TGM7: variants seen among roughly 807,000 people sequenced by gnomAD.
TGM7 encodes transglutaminase 7.
TGM7 carries 74 observed loss-of-function variants against 79.5 expected under a neutral mutation model. The ratio of observed to expected loss-of-function variants is 0.93; its 90% confidence interval spans 0.77 to 1.13. The LOEUF is 1.13. Among genes scored for constraint, TGM7 ranks in the 50% most tolerant of loss-of-function variants. The probability of loss-of-function intolerance (pLI) is 0.00; values close to 1 mark genes in which losing one functional copy is unlikely to be tolerated. For missense variants in TGM7, 912 were observed against 905.9 expected, an observed-to-expected ratio of 1.01 and a Z score of -0.09; for synonymous variants, 354 against 362.5, an observed-to-expected ratio of 0.98 and a Z score of 0.27.
intron 1 of TGM7, among the ~76,000 whole-genome samples, chr15:43,298,031 T>G (rs2043008574): frequency 6.6e-6 from 1 of 152,270 alleles, no homozygotes. Context: ...CGGCATTGTT[T>G]AGAGCATTTT....
At chr15:43,285,991 C>G (rs1377781148) in intron 6 of TGM7, among the ~76,000 whole-genome samples, 1 of 152,112 alleles carries the variant, frequency 6.6e-6, no homozygotes, top group Non-Finnish European at 1.5e-5. Context: ...ATCCCACTAT[C>G]TCCCTCCTAG....
chr15:43,296,122 T>A (rs200058600), intron 1 of TGM7, among the ~76,000 whole-genome samples: 2 of 152,214 alleles, frequency 1.3e-5, no homozygotes, highest in East Asian at 3.9e-4. Flanking sequence ...AAATCATAGA[T>A]CATAGTTAAA....
chr15:43,292,085 T>C lies in TGM7; in HGVS notation c.452A>G (p.Tyr151Cys), dbSNP rs2142415395. The C allele has an allele frequency of 1.2e-6, 2 of 1,613,636 alleles. No individual in the cohort carries two copies. The highest frequency in any genetic ancestry group is 1.3e-5 in the African/African-American group (1 of 75,032). The change falls in exon 4 of 13, where the codon TAC (tyrosine) becomes TGC (cysteine). Residue 151 changes from tyrosine (Y) to cysteine (C), a missense_variant. Physicochemically the swap from Tyr to Cys is radical, Grantham distance 194 (BLOSUM62 -2). Transcript: ENST00000452443. Reference protein sequence around the residue: ...FNPWSPEDDVYLPSEILLQEY... With the variant: ...FNPWSPEDDVCLPSEILLQEY... ...CTGCAGCAGTATTTCACTTGGCAGGTAGACGTCGTCCTCTGAGCAGTTAAG... is the reference window on the plus strand; with the variant it reads ...CTGCAGCAGTATTTCACTTGGCAGGCAGACGTCGTCCTCTGAGCAGTTAAG...
intron 10 of TGM7, 132 bp from the exon 11 acceptor site, chr15:43,279,409 C>T (rs776595982): frequency 8.6e-6 from 10 of 1,158,666 alleles, no homozygotes; most frequent in East Asian, 5.0e-5. Flanking sequence ...AGACAGACAG[C>T]GTCCCACCAC....
chr15:43,279,596 G>T, intron 10 of TGM7, 29 bp downstream of exon 10: 1 of 1,541,402 alleles, frequency 6.5e-7, no homozygotes, highest in Non-Finnish European at 8.8e-7. Flanking sequence ...CTCCCTGTAG[G>T]TGCCTTCTCA....
chr15:43,291,137 G>A (rs1445787390), intron 4 of TGM7, among the ~76,000 whole-genome samples: 1 of 152,190 alleles, frequency 6.6e-6, no homozygotes, highest in Non-Finnish European at 1.5e-5. Flanking sequence ...TCCCTGTCTT[G>A]TGCCAGTTTT....
At chr15:43,293,403 CT>C in intron 2 of TGM7, 45 bp downstream of exon 2, 1 of 1,538,254 alleles carries the variant, frequency 6.5e-7, no homozygotes, top group East Asian at 2.3e-5. Flanking sequence ...TGTAAATGCC[CT>C]CATTTTGACG....
chr15:43,294,642 T>C (rs1181924400), intron 1 of TGM7, among the ~76,000 whole-genome samples: 1 of 152,234 alleles, frequency 6.6e-6, no homozygotes, highest in Non-Finnish European at 1.5e-5. Flanking sequence ...ATGTTTAGAT[T>C]GCATTTACTG....
intron 6 of TGM7, among the ~76,000 whole-genome samples, chr15:43,286,914 C>G (rs1037508385): frequency 4.6e-5 from 7 of 152,198 alleles, no homozygotes; most frequent in African/African-American, 1.4e-4. Flanking sequence ...GGTCAGCTAT[C>G]TCACGCCATC....
chr15:43,280,622 T>TA (rs368685481), intron 9 of TGM7, among the ~76,000 whole-genome samples: 3,065 of 146,444 alleles, frequency 0.021, 81 homozygotes, highest in African/African-American at 0.064. Flanking sequence ...AAACTCCGCC[T>TA]AAAAAAAAAA....
chr15:43,296,782 G>A (rs558653327), intron 1 of TGM7, among the ~76,000 whole-genome samples: 6 of 152,294 alleles, frequency 3.9e-5, no homozygotes, highest in South Asian at 2.1e-4. Flanking sequence ...AGAGGCCCAA[G>A]GTTGCAGTGG....
At chr15:43,287,155 G>A (rs1376761724) in intron 6 of TGM7, 125 bp downstream of exon 6, 4 of 1,118,342 alleles carry the variant, frequency 3.6e-6, no homozygotes, top group Non-Finnish European at 5.1e-6. Flanking sequence ...TGCTAGCTCA[G>A]GGCCTGGGTG....
chr15:43,288,339 C>G (rs1198979448), intron 4 of TGM7, among the ~76,000 whole-genome samples: 2 of 152,156 alleles, frequency 1.3e-5, no homozygotes, highest in African/African-American at 2.4e-5. Flanking sequence ...AGGCTTCCCC[C>G]ACCTCTTCCC....
intron 9 of TGM7, among the ~76,000 whole-genome samples, chr15:43,281,480 A>C (rs1411552940): frequency 6.6e-6 from 1 of 152,242 alleles, no homozygotes; most frequent in Non-Finnish European, 1.5e-5. Context: ...AGTATAGTAC[A>C]TCCCATGCAC....
chr15:43,297,635 A>G (rs28446815), intron 1 of TGM7, among the ~76,000 whole-genome samples: 2,367 of 77,578 alleles, frequency 0.031, 62 homozygotes, highest in East Asian at 0.079. Flanking sequence ...GAAAGAAAGA[A>G]AAAGAAAGAA....
At chr15:43,293,103 T>G in intron 2 of TGM7, 149 bp from the exon 3 acceptor site, 1 of 1,146,424 alleles carries the variant, frequency 8.7e-7, no homozygotes, top group Non-Finnish European at 1.2e-6. Flanking sequence ...GCAAACCATT[T>G]AAGACCCCCA....
chr15:43,292,090 G>T lies in TGM7; in HGVS notation c.447C>A (p.Asp149Glu). The change falls in exon 4 of 13, where the codon GAC becomes GAA. Residue 149 changes from aspartate (D) to glutamate (E), a missense_variant. Asp to Glu is a conservative substitution (Grantham distance 45, BLOSUM62 2). Transcript: ENST00000452443. ...GCAGTATTTCACTTGGCAGGTAGAC[G>T]TCGTCCTCTGAGCAGTTAAGAGTAG... Reference protein sequence around the residue: ...LLFNPWSPEDDVYLPSEILLQ... With the variant: ...LLFNPWSPEDEVYLPSEILLQ... 1.2e-6 allele frequency: 2 copies of T among 1,613,044 alleles called. No individual in the cohort carries two copies. The highest frequency in any genetic ancestry group is 1.7e-6 in the Non-Finnish European group (2 of 1,179,250).
At chr15:43,296,672 A>G (rs989063708) in intron 1 of TGM7, among the ~76,000 whole-genome samples, 1 of 152,114 alleles carries the variant, frequency 6.6e-6, no homozygotes, top group African/African-American at 2.4e-5. Flanking sequence ...AGCTCAAAGC[A>G]TAGTTCCTAG....
Position 43,287,534 on chromosome 15 carries a change from TC to T in TGM7, c.687+6del. 1 of 1,613,492 alleles carries T rather than the reference TC, an allele frequency of 6.2e-7. No individual in the cohort carries two copies. The highest frequency in any genetic ancestry group is 1.3e-5 in the African/African-American group (1 of 75,004). ...GTCCTCAGACGGCGGGAAGCATCCA[TC>T]CTTACCATGGCACTCACCACCCTGC... On this transcript the variant is annotated splice_donor_region_variant and intron_variant, in intron 5 of 12. Transcript: ENST00000452443.
Sources: gnomAD v4.1 joint callset for allele counts (sites outside exome capture counted in the v4.1 genomes callset) on GRCh38, gnomAD v4.1.1 for gene constraint, MANE v1.5 for transcripts, NCBI Gene and HGNC (gene_info 2026-07-23, HGNC 2026-07-21) for gene names.